The following SPIDR variants were observed in gnomAD, a reference collection of about 807,000 sequenced individuals.
SPIDR encodes the protein scaffold protein involved in DNA repair.
Under a neutral mutation model 104.6 loss-of-function variants are expected in SPIDR, and 93 were observed. The observed-to-expected ratio is 0.89, with a 90% CI of 0.75 to 1.06. The LOEUF is 1.06. Ranked by LOEUF, SPIDR falls within the 50% of genes least tolerant of loss-of-function variation. The pLI is 0.00. For missense variants in SPIDR, 1,154 were observed against 1,111.2 expected (o/e 1.04, Z -0.55); for synonymous variants, 431 against 416.9 (o/e 1.03, Z -0.41).
intron 8 of SPIDR, chr8:47,511,702 C>G (rs1241262568): frequency 2.0e-6 from 2 of 1,003,658 alleles, no homozygotes; most frequent in East Asian, 2.4e-5. Context: ...GGCAAATGGT[C>G]TTGGTGTACT....
intron 10 of SPIDR, among the ~76,000 whole-genome samples, chr8:47,617,753 A>C (rs1195282565): frequency 6.6e-6 from 1 of 152,232 alleles, no homozygotes; most frequent in Non-Finnish European, 1.5e-5. Flanking sequence ...ATCTGTATGA[A>C]TAAAAGCCAC....
At chr8:47,309,912 G>A (rs782077379) in intron 5 of SPIDR, among the ~76,000 whole-genome samples, 26 of 151,972 alleles carry the variant, frequency 1.7e-4, no homozygotes, top group Admixed American at 3.9e-4. Context: ...GGTGGCGGGC[G>A]CCTGTAGTCC....
intron 12 of SPIDR, among the ~76,000 whole-genome samples, chr8:47,701,504 T>C (rs777610120): frequency 2.0e-5 from 3 of 152,200 alleles, no homozygotes; most frequent in Non-Finnish European, 4.4e-5. Context: ...GAAAGATTTC[T>C]AAAATGAAAC....
intron 11 of SPIDR, among the ~76,000 whole-genome samples, chr8:47,687,010 C>T (rs532997544): frequency 4.0e-5 from 6 of 151,832 alleles, no homozygotes; most frequent in South Asian, 4.2e-4. Flanking sequence ...AAGGTTAGTG[C>T]AAAAGTAATT....
intron 11 of SPIDR, 105 bp from the exon 12 acceptor site, chr8:47,700,298 C>G (rs1434409167): frequency 8.6e-7 from 1 of 1,157,464 alleles, no homozygotes; most frequent in Non-Finnish European, 1.3e-6. Flanking sequence ...ATTGTAGTTC[C>G]ATGGCCTTAG....
At chr8:47,570,680 G>A (rs1335848857) in intron 8 of SPIDR, among the ~76,000 whole-genome samples, 1 of 152,090 alleles carries the variant, frequency 6.6e-6, no homozygotes, top group Non-Finnish European at 1.5e-5. Context: ...GTTACATAGA[G>A]AATATATAAA....
At chr8:47,457,912 G>C (rs2073266004) in intron 8 of SPIDR, among the ~76,000 whole-genome samples, 1 of 152,078 alleles carries the variant, frequency 6.6e-6, no homozygotes, top group Non-Finnish European at 1.5e-5. Context: ...TAAGTATTTG[G>C]GTTTATTTCT....
In SPIDR at chr8:47,624,615, G is replaced by A. The variant is rs545914002; in HGVS notation, c.1544+25419G>A. Among the ~76,000 whole-genome samples the A allele has an allele frequency of 1.7e-3, 266 of 152,240 alleles. 4 individuals are homozygous for A. The highest frequency in any genetic ancestry group is 2.7e-3 in the Non-Finnish European group (186 of 68,020). On this transcript the variant is annotated intron_variant, in intron 10 of 19. Coordinates refer to ENST00000297423, the MANE Select transcript of SPIDR (RefSeq NM_001080394.4). ...CAGAGAATACTATAAACACCTCTACGCAAATAAACTAGAAAATCTAGAAGA... is the reference window on the plus strand; with the variant it reads ...CAGAGAATACTATAAACACCTCTACACAAATAAACTAGAAAATCTAGAAGA...
chr8:47,283,105 G>A (rs898427465), intron 2 of SPIDR, among the ~76,000 whole-genome samples: 2 of 152,110 alleles, frequency 1.3e-5, no homozygotes, highest in African/African-American at 4.8e-5. Context: ...ATTTACTTGC[G>A]TTGGCCTCCC....
chr8:47,731,367 G>A (rs1051691560), intron 19 of SPIDR, among the ~76,000 whole-genome samples: 1 of 152,238 alleles, frequency 6.6e-6, no homozygotes, highest in African/African-American at 2.4e-5. Context: ...GCTGCACACA[G>A]GGACTGATGC....
At chr8:47,450,516 A>AG (rs1315686305) in intron 8 of SPIDR, among the ~76,000 whole-genome samples, 1 of 152,186 alleles carries the variant, frequency 6.6e-6, no homozygotes, top group Non-Finnish European at 1.5e-5. Flanking sequence ...ATATGATTAA[A>AG]GTGTTTTGTG....
At chr8:47,527,279 A>G (rs2130412) in intron 8 of SPIDR, 74,010 of 151,952 alleles carry the variant, frequency 0.49, 21,301 homozygotes, top group East Asian at 0.73. Context: ...GGGGAAGGAA[A>G]AACGCCAACA....
At chr8:47,698,461 T>C (rs546455209) in intron 11 of SPIDR, among the ~76,000 whole-genome samples, 1 of 152,362 alleles carries the variant, frequency 6.6e-6, no homozygotes, top group African/African-American at 2.4e-5. Context: ...CAAACCATTA[T>C]CTATTTTTAA....
rs909903877 is a variant in SPIDR, at chr8:47,727,094, G to A, written c.2342-106G>A. On this transcript the variant is annotated intron_variant, in intron 16 of 19. Coordinates refer to ENST00000297423, the MANE Select transcript of SPIDR (RefSeq NM_001080394.4). ...ACATGTATATAAACTCCCAAGTAAG[G>A]CAAAAATCACGAGGCCCCTCATGTT... 12 of 866,826 alleles carry A rather than the reference G, an allele frequency of 1.4e-5. No individual in the cohort carries two copies. In the African/African-American group the frequency reaches 1.5e-4, roughly 11 times the overall value. 53.7% of individuals were successfully genotyped at this position (866,826 alleles called of 1,614,324 possible). A position where few individuals can be genotyped will look rare whatever the true frequency, so the allele number is the denominator to read the frequency against.
At chr8:47,264,116 T>A (rs535148692) in intron 1 of SPIDR, among the ~76,000 whole-genome samples, 1 of 152,318 alleles carries the variant, frequency 6.6e-6, no homozygotes, top group South Asian at 2.1e-4. Flanking sequence ...TACAGCTGAA[T>A]GATTTTGCAG....
At position 47,290,545 on chromosome 8, in the gene SPIDR, C is replaced by T. The variant is rs376386107; in HGVS notation, c.257-488C>T. Among the ~76,000 whole-genome samples, 577 of 152,256 alleles carry T rather than the reference C, an allele frequency of 3.8e-3. 3 individuals carry two copies. Among genetic ancestry groups the T allele is most frequent in the South Asian group, 0.022 (108 of 4,828 alleles). ...CAACTATATATGAATCTAATATTAT[C>T]TCAAAATAAAAAGTTTAATTAAATA... is the stretch of plus-strand genomic sequence containing the variant. On this transcript the variant is annotated intron_variant, in intron 3 of 19. Transcript: ENST00000297423.
intron 10 of SPIDR, among the ~76,000 whole-genome samples, chr8:47,664,817 G>A (rs2074677031): frequency 6.6e-6 from 1 of 150,518 alleles, no homozygotes; most frequent in Non-Finnish European, 1.5e-5. Context: ...CATCACTTGA[G>A]CCTGGGAGAT....
chr8:47,278,094 C>T (rs1043005267), intron 1 of SPIDR, among the ~76,000 whole-genome samples: 5 of 109,996 alleles, frequency 4.5e-5, no homozygotes, highest in African/African-American at 2.8e-4. Flanking sequence ...CATTTTCTTT[C>T]TCTTTTTTTT....
intron 16 of SPIDR, among the ~76,000 whole-genome samples, chr8:47,725,925 T>C (rs2084161627): frequency 6.6e-6 from 1 of 152,244 alleles, no homozygotes; most frequent in Non-Finnish European, 1.5e-5. Context: ...TACTTTTTAT[T>C]AAGGTAGCAG....
Sources: gnomAD v4.1 joint callset for allele counts (sites outside exome capture counted in the v4.1 genomes callset) on GRCh38, gnomAD v4.1.1 for gene constraint, MANE v1.5 for transcripts, NCBI Gene and HGNC (gene_info 2026-07-23, HGNC 2026-07-21) for gene names.